CD226: variants seen among roughly 807,000 people sequenced by gnomAD.
CD226 encodes the protein CD226 antigen.
In CD226, 24 loss-of-function variants were observed where a neutral mutation model predicts 34.9. The observed-to-expected ratio is 0.69, with a 90% confidence interval of 0.50 to 0.97. CD226 has a LOEUF of 0.97. Among genes scored for constraint, CD226 ranks in the 50% least tolerant of loss-of-function variants. The probability of loss-of-function intolerance (pLI) is 0.00; values close to 1 mark genes in which losing one functional copy is unlikely to be tolerated. For synonymous variants in CD226, 148 were observed against 147.4 expected (o/e 1.00, Z -0.03); for missense variants, 397 against 412.7 (o/e 0.96, Z 0.33).
upstream of CD226, among the ~76,000 whole-genome samples, chr18:69,952,453 C>T (rs1237874332): frequency 6.6e-6 from 1 of 152,214 alleles, no homozygotes; most frequent in African/African-American, 2.4e-5. Context: ...TAAGCCCATA[C>T]ATCTATGAAC....
Position 69,942,933 on chromosome 18 carries a change from C to T in CD226, c.382+3801G>A, listed in dbSNP as rs977388420. Among the ~76,000 whole-genome samples, 6 of 152,336 alleles carry T rather than the reference C, an allele frequency of 3.9e-5. 1 individual carries two copies. Among genetic ancestry groups the T allele is most frequent in the South Asian group, 4.1e-4 (2 of 4,830 alleles). Reference sequence around the variant, plus strand: ...CCCCGGCCTCTCTAATTAAAATATTCCTTCCAATTCTTCAAGGTCCAGCAC... The same window carrying T: ...CCCCGGCCTCTCTAATTAAAATATTTCTTCCAATTCTTCAAGGTCCAGCAC... On this transcript the variant is annotated intron_variant, in intron 2 of 5. Transcript: ENST00000582621.
At chr18:69,867,971 T>C (rs952605988) in intron 4 of CD226, among the ~76,000 whole-genome samples, 4 of 152,326 alleles carry the variant, frequency 2.6e-5, no homozygotes, top group African/African-American at 7.2e-5. Flanking sequence ...GATCGGTTGG[T>C]GTAGTGCTGG....
At position 69,885,870 on chromosome 18, in the gene CD226, T is replaced by C. The variant is rs77884237; in HGVS notation, c.727+9831A>G. Among the ~76,000 whole-genome samples, 70 of 152,238 alleles carry C rather than the reference T, an allele frequency of 4.6e-4. No homozygotes were observed. In the East Asian group the frequency reaches 0.013, roughly 27 times the overall value. On this transcript the variant is annotated intron_variant, in intron 3 of 5. Coordinates refer to ENST00000582621, the MANE Select transcript of CD226 (RefSeq NM_001303618.2). The stretch of plus-strand genomic sequence containing the variant: ...AGGGGAGAAGGTCCCCTCATAGCAT[T>C]GGCGTCAGCGAAGGATCCCGAGCTG...
chr18:69,913,298 C>T (rs2055348282), intron 2 of CD226, among the ~76,000 whole-genome samples: 1 of 152,102 alleles, frequency 6.6e-6, no homozygotes, highest in East Asian at 1.9e-4. Flanking sequence ...ATCGCCAGAG[C>T]TCTGAAAACC....
At chr18:69,901,868 G>A (rs1350808463) in intron 2 of CD226, among the ~76,000 whole-genome samples, 3 of 147,730 alleles carry the variant, frequency 2.0e-5, no homozygotes, top group African/African-American at 7.6e-5. Context: ...GACAGAGCAA[G>A]ACTCTGACTC....
chr18:69,895,058 TAAGTC>T (rs1430813534), intron 3 of CD226, among the ~76,000 whole-genome samples: 1 of 152,206 alleles, frequency 6.6e-6, no homozygotes, highest in Admixed American at 6.5e-5. Flanking sequence ...ACCAAAGATC[TAAGTC>T]AGTGGTTCTT....
At chr18:69,880,434 C>G (rs575458692) in intron 3 of CD226, among the ~76,000 whole-genome samples, 1 of 151,772 alleles carries the variant, frequency 6.6e-6, no homozygotes, top group Non-Finnish European at 1.5e-5. Context: ...AAAGAGTTGG[C>G]AAGGGTATGG....
intron 2 of CD226, among the ~76,000 whole-genome samples, chr18:69,918,231 T>C (rs1219528084): frequency 6.6e-6 from 1 of 152,186 alleles, no homozygotes; most frequent in East Asian, 1.9e-4. Context: ...AAATATTTGG[T>C]AAGGGCCTAG....
chr18:69,874,251 T>C (rs762795379), intron 3 of CD226, among the ~76,000 whole-genome samples: 15 of 152,204 alleles, frequency 9.9e-5, no homozygotes, highest in Non-Finnish European at 1.3e-4. Flanking sequence ...AACAATCAAC[T>C]GCGATTAGAG....
At chr18:69,899,100 G>A (rs914370082) in intron 2 of CD226, among the ~76,000 whole-genome samples, 1 of 152,130 alleles carries the variant, frequency 6.6e-6, no homozygotes, top group African/African-American at 2.4e-5. Flanking sequence ...TCTCTATTTT[G>A]TATGTGGCTT....
intron 3 of CD226, among the ~76,000 whole-genome samples, chr18:69,882,406 T>C (rs1984316691): frequency 6.6e-6 from 1 of 152,190 alleles, no homozygotes. Context: ...CTTCTTCTGG[T>C]GCGATAATGT....
At chr18:69,933,373 C>T (rs2055612121) in intron 2 of CD226, among the ~76,000 whole-genome samples, 1 of 152,206 alleles carries the variant, frequency 6.6e-6, no homozygotes, top group African/African-American at 2.4e-5. Flanking sequence ...CCCTGGTATG[C>T]GATGTTTCTT....
In CD226 at chr18:69,927,299, T is replaced by C. The variant is rs534754846; in HGVS notation, c.382+19435A>G. On this transcript the variant is annotated intron_variant, in intron 2 of 5. Coordinates refer to ENST00000582621, the MANE Select transcript of CD226 (RefSeq NM_001303618.2). ...CCTCTAGAACGGTGAGATATACAAC[T>C]CATTTATTTATAAATTACCCATCTA... 2.0e-5 allele frequency among the ~76,000 whole-genome samples: 3 copies of C among 151,938 alleles called. No individual in the cohort carries two copies. In the South Asian group the frequency reaches 6.3e-4, roughly 32 times the overall value.
chr18:69,934,595 C>T (rs1221788836), intron 2 of CD226, among the ~76,000 whole-genome samples: 1 of 152,138 alleles, frequency 6.6e-6, no homozygotes, highest in Non-Finnish European at 1.5e-5. Context: ...TGTTTTACAC[C>T]TCCATCCTTG....
At chr18:69,923,613 A>T (rs931367684) in intron 2 of CD226, among the ~76,000 whole-genome samples, 1 of 152,192 alleles carries the variant, frequency 6.6e-6, no homozygotes, top group Admixed American at 6.5e-5. Context: ...GAAAGTGACA[A>T]CCTCGATAGA....
rs1982718432 is a variant in CD226, at chr18:69,859,659, G to T, written c.*4655C>A. On this transcript the variant is annotated 3_prime_UTR_variant, in exon 6 of 6. Transcript: ENST00000582621. ...TGAGTTAGAAGTAGTAAAATTTGTT[G>T]TCTCAAGGTAACAAAAATGAGGAAG... The T allele has an allele frequency of 6.6e-6, 1 of 152,030 alleles. No individual in the cohort carries two copies. The highest frequency in any genetic ancestry group is 2.4e-5 in the African/African-American group (1 of 41,412). 9.4% of individuals were successfully genotyped at this position (152,030 alleles called of 1,614,324 possible).
intron 2 of CD226, among the ~76,000 whole-genome samples, chr18:69,912,179 C>T (rs2055334297): frequency 6.6e-6 from 1 of 152,096 alleles, no homozygotes; most frequent in African/African-American, 2.4e-5. Flanking sequence ...AAATGTTAGA[C>T]CTAAAACCAT....
chr18:69,927,389 A>C (rs12959085), intron 2 of CD226, among the ~76,000 whole-genome samples: 13 of 65,680 alleles, frequency 2.0e-4, no homozygotes, highest in South Asian at 1.2e-3. Context: ...CACACACACA[A>C]ACACACACAC....
rs551878542 is a variant in CD226 at position 69,923,704 on chromosome 18, A to G, written c.382+23030T>C. On this transcript the variant is annotated intron_variant, in intron 2 of 5. Transcript: ENST00000582621. The stretch of plus-strand genomic sequence containing the variant: ...CGCGGTGGCTCACGCCTGTAATCCC[A>G]GCACTTTGGGAGGCCGAGGCGGGCG... Among the ~76,000 whole-genome samples, 7 of 152,342 alleles carry G rather than the reference A, an allele frequency of 4.6e-5. No individual in the cohort carries two copies. The South Asian group carries it at 1.4e-3, about 32-fold the overall frequency.
Sources: gnomAD v4.1 joint callset for allele counts (sites outside exome capture counted in the v4.1 genomes callset) on GRCh38, gnomAD v4.1.1 for gene constraint, MANE v1.5 for transcripts, NCBI Gene and HGNC (gene_info 2026-07-23, HGNC 2026-07-21) for gene names.